VPS13C: variants seen among roughly 807,000 people sequenced by gnomAD.
The protein encoded by VPS13C is intermembrane lipid transfer protein VPS13C.
Under a neutral mutation model 456.8 loss-of-function variants are expected in VPS13C, and 358 were observed. The observed-to-expected ratio is 0.78, with a 90% CI of 0.72 to 0.86. The LOEUF (loss-of-function observed/expected upper bound fraction) is 0.86, where lower values mean the gene tolerates loss of function less well. Among genes scored for constraint, VPS13C ranks in the 40% least tolerant of loss-of-function variants. The pLI is 0.00. For missense variants in VPS13C, 4,818 were observed against 4,385.4 expected (o/e 1.10, Z -2.79); for synonymous variants, 1,578 against 1,486.7 (o/e 1.06, Z -1.41).
chr15:62,012,190 GA>G, intron 11 of VPS13C, 26 bp from the exon 12 acceptor site: 1 of 1,361,584 alleles, frequency 7.3e-7, no homozygotes. Context: ...GAATGAGAAT[GA>G]AAAAGAAAAT....
rs187797542 is a variant in VPS13C, at chr15:62,026,099, A to C, written c.449-2254T>G. 2.1e-3 allele frequency among the ~76,000 whole-genome samples: 155 copies of C among 75,538 alleles called. 7 individuals carry two copies. In the Middle Eastern group the frequency reaches 0.022, roughly 11 times the overall value. 49.6% of individuals were successfully genotyped at this position (75,538 alleles called of 152,430 possible). On this transcript the variant is annotated intron_variant, in intron 6 of 84. Transcript: ENST00000644861. ...GTTGTTTTAATTGAAGTACATGATG[A>C]AAATCTGATCTCACTATAGATATAT...
chr15:61,865,861 T>C (rs1894548369), intron 81 of VPS13C: 1 of 938,674 alleles, frequency 1.1e-6, no homozygotes, highest in African/African-American at 1.8e-5. Context: ...AAATATAATA[T>C]ATGATTCAGT....
Position 62,013,076 on chromosome 15 carries a change from C to A in VPS13C, c.788G>T (p.Cys263Phe), listed in dbSNP as rs1362413570. The A allele has an allele frequency of 6.2e-6, 10 of 1,610,796 alleles. No individual in the cohort carries two copies. Among genetic ancestry groups the A allele is most frequent in the African/African-American group, 2.7e-5 (2 of 74,784 alleles). The change falls in exon 11 of 85, where the codon TGC (cysteine) becomes TTC (phenylalanine). Residue 263 changes from cysteine (C) to phenylalanine (F), a missense_variant. Transcript: ENST00000644861. ...CCTTGATCTCTGGTAAGACATGCTG[C>A]AATTTACATTCCAGTAGGCGCTAAG... ...DSLSAYWNVN[C>F]SMSYQRSREQ... is the part of the protein sequence containing the mutation.
At chr15:61,872,405 C>T (rs911883427) in intron 78 of VPS13C, among the ~76,000 whole-genome samples, 4 of 151,976 alleles carry the variant, frequency 2.6e-5, no homozygotes, top group African/African-American at 9.7e-5. Context: ...TATTTACTAT[C>T]TAATTATAAA....
In VPS13C at chr15:62,038,090, T is replaced by C. The variant is rs72749758; in HGVS notation, c.188-3038A>G. ...TAAAGTTGGGAGAAAGGATGTAGCA[T>C]AAGTAAAATTATAGGAGTAAGCCAT... On this transcript the variant is annotated intron_variant, in intron 3 of 84. Coordinates refer to ENST00000644861, the MANE Select transcript of VPS13C (RefSeq NM_020821.3). Among the ~76,000 whole-genome samples, 1,357 of 152,282 alleles carry C rather than the reference T, an allele frequency of 8.9e-3. 7 individuals are homozygous for C. The highest frequency in any genetic ancestry group is 0.015 in the Non-Finnish European group (1,006 of 68,006).
intron 6 of VPS13C, among the ~76,000 whole-genome samples, chr15:62,025,738 T>A (rs1206208562): frequency 6.6e-6 from 1 of 152,116 alleles, no homozygotes; most frequent in South Asian, 2.1e-4. Context: ...ATAATAAATT[T>A]ATGATTCTCA....
intron 40 of VPS13C, 64 bp downstream of exon 40, chr15:61,950,881 A>C (rs1205880054): frequency 2.0e-6 from 2 of 998,694 alleles, no homozygotes; most frequent in Non-Finnish European, 2.8e-6. Context: ...AGAATATTAA[A>C]TATAAGGGTA....
intron 35 of VPS13C, among the ~76,000 whole-genome samples, chr15:61,960,713 C>CATTCA (rs1304215076): frequency 6.6e-6 from 1 of 152,116 alleles, no homozygotes. Flanking sequence ...TATGTAGGTG[C>CATTCA]ATTCACAGTA....
chr15:61,880,512 C>T (rs1369572432), intron 73 of VPS13C, 97 bp downstream of exon 73: 2 of 721,000 alleles, frequency 2.8e-6, no homozygotes, highest in Non-Finnish European at 4.4e-6. Flanking sequence ...CCACCAAATA[C>T]ATGATGCAAC....
chr15:61,978,568 A>G (rs2045780413), intron 23 of VPS13C, 58 bp downstream of exon 23: 2 of 1,578,800 alleles, frequency 1.3e-6, no homozygotes, highest in South Asian at 2.4e-5. Flanking sequence ...ATATACACGT[A>G]TATTACACAA....
chr15:61,852,773 A>T lies in VPS13C; in HGVS notation c.*1684T>A, dbSNP rs775473707. On this transcript the variant is annotated 3_prime_UTR_variant, in exon 85 of 85. Coordinates refer to ENST00000644861, the MANE Select transcript of VPS13C (RefSeq NM_020821.3). ...TATATATTATACTTTACAGAAAAAA[A>T]TAATTTTGAAAAAGTAATGACAAAC... The T allele has an allele frequency of 1.1e-4, 16 of 152,218 alleles. No homozygotes were observed. Among genetic ancestry groups the T allele is most frequent in the Non-Finnish European group, 2.2e-4 (15 of 68,026 alleles). 9.4% of individuals were successfully genotyped at this position (152,218 alleles called of 1,614,324 possible).
At chr15:61,919,567 A>G in intron 57 of VPS13C, 118 bp from the exon 58 acceptor site, 1 of 1,077,628 alleles carries the variant, frequency 9.3e-7, no homozygotes, top group Non-Finnish European at 1.2e-6. Context: ...AGAAATGATC[A>G]CCACAAATTG....
rs780965164 is a variant in VPS13C, at chr15:61,873,380, T to C, written c.10444A>G (p.Thr3482Ala). The change falls in exon 78 of 85, where the codon ACC becomes GCC. Residue 3482 changes from threonine (T) to alanine (A), a missense_variant. Physicochemically the swap from Thr to Ala is moderately conservative, Grantham distance 58 (BLOSUM62 0). Transcript: ENST00000644861. ...GGAAGVVSRITGSVGKGLAAI... is the reference protein window; with the variant it reads ...GGAAGVVSRIAGSVGKGLAAI... ...GCCAAACCTTTCCCAACAGAACCGG[T>C]GATTCGAGATACAACTCCTGCTGCA... is the stretch of plus-strand genomic sequence containing the variant. 7 of 1,613,568 alleles carry C rather than the reference T, an allele frequency of 4.3e-6. No homozygotes were observed. The highest frequency in any genetic ancestry group is 5.9e-6 in the Non-Finnish European group (7 of 1,179,694).
chr15:61,877,107 AAG>A, intron 74 of VPS13C, 53 bp from the exon 75 acceptor site: 2 of 1,422,070 alleles, frequency 1.4e-6, no homozygotes, highest in Admixed American at 2.2e-5. Context: ...ATGATAAAAA[AAG>A]AGACTTAAAA....
At position 61,940,938 on chromosome 15, in the gene VPS13C, C is replaced by T. The variant is rs771022119; in HGVS notation, c.5454-144G>A. The stretch of plus-strand genomic sequence containing the variant: ...GTCTTTTAGAATACACTTCTTTTCA[C>T]ATTTTTAAGATCAATCTAAATCACA... On this transcript the variant is annotated intron_variant, in intron 46 of 84. Transcript: ENST00000644861. 1,151 of 834,494 alleles carry T rather than the reference C, an allele frequency of 1.4e-3. 5 individuals carry two copies. Among genetic ancestry groups the T allele is most frequent in the Non-Finnish European group, 1.8e-3 (1,034 of 568,986 alleles). 51.7% of individuals were successfully genotyped at this position (834,494 alleles called of 1,614,324 possible).
intron 11 of VPS13C, 91 bp from the exon 12 acceptor site, chr15:62,012,255 CACAA>C (rs1423568558): frequency 5.7e-6 from 3 of 530,074 alleles, no homozygotes; most frequent in Admixed American, 4.1e-5. Flanking sequence ...CACACACACA[CACAA>C]AGCTTGGTTC....
chr15:61,949,372 T>C (rs903719651), intron 42 of VPS13C, 71 bp downstream of exon 42: 112 of 1,539,836 alleles, frequency 7.3e-5, no homozygotes, highest in Non-Finnish European at 9.1e-5. Flanking sequence ...TCATCTTAAC[T>C]GAAAAAAACA....
intron 1 of VPS13C, among the ~76,000 whole-genome samples, chr15:62,057,788 A>T (rs1371091256): frequency 6.6e-6 from 1 of 152,254 alleles, no homozygotes; most frequent in African/African-American, 2.4e-5. Flanking sequence ...CGACATTTTT[A>T]ATTTCAGTTG....
intron 5 of VPS13C, among the ~76,000 whole-genome samples, chr15:62,029,381 T>C (rs1039576301): frequency 6.6e-6 from 1 of 152,054 alleles, no homozygotes; most frequent in Non-Finnish European, 1.5e-5. Flanking sequence ...CAACCCTACA[T>C]CCAACTACTC....
Sources: gnomAD v4.1 joint callset for allele counts (sites outside exome capture counted in the v4.1 genomes callset) on GRCh38, gnomAD v4.1.1 for gene constraint, MANE v1.5 for transcripts, NCBI Gene and HGNC (gene_info 2026-07-23, HGNC 2026-07-21) for gene names.